Variants in NFE2L2 observed in about 807,000 individuals in gnomAD.
The protein encoded by NFE2L2 is nuclear factor erythroid 2-related factor 2.
In NFE2L2, 20 loss-of-function variants were observed where a neutral mutation model predicts 49.6. The observed-to-expected ratio is 0.40, with a 90% CI of 0.28 to 0.59. The LOEUF is 0.59. Ranked by LOEUF, NFE2L2 falls within the 20% of genes least tolerant of loss-of-function variation. The pLI is 0.40. For synonymous variants in NFE2L2, 244 were observed against 256.5 expected, an observed-to-expected ratio of 0.95 and a Z score of 0.47; for missense variants, 578 against 714.2, an observed-to-expected ratio of 0.81 and a Z score of 2.17.
Position 177,233,364 on chromosome 2 carries a change from G to A in NFE2L2, c.313-25C>T, listed in dbSNP as rs187729729. On this transcript the variant is annotated intron_variant, in intron 2 of 4. Transcript: ENST00000397062. ...CCTGATAAAAGGGAATGACACAAAG[G>A]AAAACAAAAATGGTTAAATATTCCA... 1,301 of 1,572,084 alleles carry A rather than the reference G, an allele frequency of 8.3e-4. 7 individuals carry two copies. The African/African-American group carries it at 0.012, about 15-fold the overall frequency.
chr2:177,231,925 A>G lies in NFE2L2; in HGVS notation c.678T>C (p.Tyr226=), dbSNP rs746497256. The G allele has an allele frequency of 9.3e-6, 15 of 1,614,026 alleles. No individual in the cohort carries two copies. Among genetic ancestry groups the G allele is most frequent in the South Asian group, 2.2e-5 (2 of 91,078 alleles). ...PEAKLTEVDN[Y]HFYSSIPSME... is the part of the protein sequence containing the mutation. ...TTGAGGGTATAGATGAGTAAAAATGATAATTGTCAACTTCTGTCAGTTTGG... is the reference window on the plus strand; with the variant it reads ...TTGAGGGTATAGATGAGTAAAAATGGTAATTGTCAACTTCTGTCAGTTTGG... The change falls in exon 5 of 5, where the codon TAT becomes TAC. Residue 226 remains tyrosine (Y), a synonymous_variant. Transcript: ENST00000397062.
chr2:177,249,409 G>C (rs1233959140), intron 1 of NFE2L2, among the ~76,000 whole-genome samples: 1 of 151,994 alleles, frequency 6.6e-6, no homozygotes, highest in Non-Finnish European at 1.5e-5. Flanking sequence ...CTCTGGCCTT[G>C]GTCTTATCAC....
At chr2:177,242,153 G>A (rs948307987) in intron 1 of NFE2L2, among the ~76,000 whole-genome samples, 6 of 152,150 alleles carry the variant, frequency 3.9e-5, no homozygotes, top group African/African-American at 1.2e-4. Context: ...TCTTGATTGT[G>A]TTGCTACAGT....
chr2:177,233,132 C>T (rs1689617521), intron 3 of NFE2L2, 118 bp downstream of exon 3: 2 of 858,310 alleles, frequency 2.3e-6, no homozygotes, highest in Non-Finnish European at 3.5e-6. Flanking sequence ...AAAATTTCCT[C>T]CTAAAAATGT....
At chr2:177,263,321 G>A in intron 1 of NFE2L2, 1 of 966,364 alleles carries the variant, frequency 1.0e-6, no homozygotes, top group Non-Finnish European at 1.2e-6. Context: ...AAAGTACTCA[G>A]GGGAGAAATA....
At chr2:177,261,279 T>C (rs1472517284) in intron 1 of NFE2L2, among the ~76,000 whole-genome samples, 1 of 152,056 alleles carries the variant, frequency 6.6e-6, no homozygotes, top group Admixed American at 6.6e-5. Flanking sequence ...CATTGATGGA[T>C]TGTATTCACT....
intron 1 of NFE2L2, among the ~76,000 whole-genome samples, chr2:177,235,906 T>C (rs1376646420): frequency 2.6e-5 from 4 of 152,214 alleles, no homozygotes; most frequent in Non-Finnish European, 5.9e-5. Context: ...TAACCAAAAA[T>C]GTGTCAATAG....
At chr2:177,244,092 AGATTGAGACCATCCTGGCTAACACGGT>A (rs1273029027) in intron 1 of NFE2L2, among the ~76,000 whole-genome samples, 2 of 152,006 alleles carry the variant, frequency 1.3e-5, no homozygotes, top group African/African-American at 4.8e-5. Context: ...CAGGATCAGG[AGATTGAGACCATCCTGGCTAACACGGT>A]GAAACCCCGT....
intron 1 of NFE2L2, among the ~76,000 whole-genome samples, chr2:177,261,040 G>A (rs1267825235): frequency 3.3e-5 from 5 of 151,708 alleles, no homozygotes; most frequent in African/African-American, 1.2e-4. Flanking sequence ...GCCGGGCAGT[G>A]GGTGCCTATA....
chr2:177,249,088 C>A (rs919602932), intron 1 of NFE2L2, among the ~76,000 whole-genome samples: 1 of 151,436 alleles, frequency 6.6e-6, no homozygotes, highest in Admixed American at 6.6e-5. Flanking sequence ...GGCGTGGTGG[C>A]GCGTACCTGT....
intron 1 of NFE2L2, chr2:177,263,732 CT>C: frequency 2.0e-6 from 2 of 985,496 alleles, no homozygotes; most frequent in Non-Finnish European, 2.4e-6. Flanking sequence ...CTCGCCCGCA[CT>C]TTCCCGCGGC....
At position 177,252,413 on chromosome 2, in the gene NFE2L2, G is replaced by A. The variant is rs554027280; in HGVS notation, c.45+12119C>T. ...TTGGGGCTCACAGGAAAAGCTCATA[G>A]GAGAGAAAAGAGAGGAAATTGTTTT... On this transcript the variant is annotated intron_variant, in intron 1 of 4. Coordinates refer to ENST00000397062, the MANE Select transcript of NFE2L2 (RefSeq NM_006164.5). Among the ~76,000 whole-genome samples, 5 of 152,276 alleles carry A rather than the reference G, an allele frequency of 3.3e-5. No homozygotes were observed. The East Asian group carries it at 5.8e-4, about 18-fold the overall frequency.
In NFE2L2 at chr2:177,234,157, G is replaced by A. The variant is rs572941555; in HGVS notation, c.160C>T (p.Leu54Phe). Residue 54 changes from leucine (L) to phenylalanine (F), a missense_variant, in exon 2 of 5, where the codon CTT becomes TTT. Physicochemically the swap from Leu to Phe is conservative, Grantham distance 22. Coordinates refer to ENST00000397062, the MANE Select transcript of NFE2L2 (RefSeq NM_006164.5). ...AGTTGTTCTTGTCTTTCCTTTTCAAGTTTTTTCTGTTTTTCCAGCTCATAC... is the reference window on the plus strand; with the variant it reads ...AGTTGTTCTTGTCTTTCCTTTTCAAATTTTTTCTGTTTTTCCAGCTCATAC... ...KEYELEKQKK[L>F]EKERQEQLQK... 1.1e-5 allele frequency: 17 copies of A among 1,613,970 alleles called. No individual in the cohort carries two copies. In the East Asian group the frequency reaches 2.0e-4, roughly 19 times the overall value.
At chr2:177,247,077 G>A (rs1281716534) in intron 1 of NFE2L2, among the ~76,000 whole-genome samples, 1 of 152,068 alleles carries the variant, frequency 6.6e-6, no homozygotes, top group East Asian at 1.9e-4. Context: ...ATGTGTGAGG[G>A]TATCCCTAAG....
intron 1 of NFE2L2, among the ~76,000 whole-genome samples, chr2:177,254,150 G>A (rs192577308): frequency 2.6e-4 from 39 of 152,282 alleles, no homozygotes; most frequent in African/African-American, 8.7e-4. Context: ...TTATCCTTTT[G>A]TTACCAATTC....
intron 1 of NFE2L2, among the ~76,000 whole-genome samples, chr2:177,258,799 C>A (rs886354760): frequency 1.3e-5 from 2 of 152,144 alleles, no homozygotes; most frequent in African/African-American, 4.8e-5. Flanking sequence ...CCATATTTTT[C>A]TTTTCTTACT....
intron 1 of NFE2L2, among the ~76,000 whole-genome samples, chr2:177,251,501 C>G (rs1002913342): frequency 1.3e-5 from 2 of 152,172 alleles, no homozygotes; most frequent in Non-Finnish European, 2.9e-5. Flanking sequence ...ATCCAGCAGA[C>G]AGGCTGGAGG....
intron 1 of NFE2L2, among the ~76,000 whole-genome samples, chr2:177,254,250 C>A (rs1272494843): frequency 6.6e-6 from 1 of 152,182 alleles, no homozygotes; most frequent in African/African-American, 2.4e-5. Flanking sequence ...CTGGACAAGT[C>A]ACTCTACCTG....
At chr2:177,234,457 C>A (rs147100319) in intron 1 of NFE2L2, among the ~76,000 whole-genome samples, 186 bp from the exon 2 acceptor site, 112 of 152,326 alleles carry the variant, frequency 7.4e-4, no homozygotes, top group Non-Finnish European at 7.3e-4. Context: ...TGAATCTATT[C>A]ATTAAAGACA....
Sources: allele counts gnomAD v4.1 joint callset (sites outside exome capture counted in the v4.1 genomes callset), GRCh38; gene constraint gnomAD v4.1.1; transcripts MANE v1.5; gene names NCBI Gene and HGNC (gene_info 2026-07-23, HGNC 2026-07-21).